RHBDL2: variants seen among roughly 807,000 people sequenced by gnomAD.
RHBDL2 encodes rhomboid-related protein 2.
A neutral mutation model predicts 31.7 loss-of-function variants in RHBDL2; 26 were observed. That is an observed-to-expected ratio of 0.82 (90% CI 0.60 to 1.14). The LOEUF (loss-of-function observed/expected upper bound fraction) is 1.14. Among genes scored for constraint, RHBDL2 ranks in the 50% most tolerant of loss-of-function variants. The probability of loss-of-function intolerance (pLI) is 0.00; values close to 1 mark genes in which losing one functional copy is unlikely to be tolerated. For synonymous variants in RHBDL2, 123 were observed against 127.2 expected, an observed-to-expected ratio of 0.97 and a Z score of 0.22; for missense variants, 336 against 364.4, an observed-to-expected ratio of 0.92 and a Z score of 0.63.
At chr1:38,890,490 A>C (rs1436347453) in intron 6 of RHBDL2, among the ~76,000 whole-genome samples, 1 of 152,084 alleles carries the variant, frequency 6.6e-6, no homozygotes, top group Non-Finnish European at 1.5e-5. Context: ...TTAGTATGTC[A>C]ATTTCTCCAA....
At chr1:38,926,713 G>T (rs1570939459) in intron 1 of RHBDL2, 1 of 152,272 alleles carries the variant, frequency 6.6e-6, no homozygotes, top group Non-Finnish European at 1.5e-5. Flanking sequence ...GGTGGCAGAT[G>T]CCTTTAATCC....
chr1:38,904,986 G>A (rs188008786), intron 4 of RHBDL2, among the ~76,000 whole-genome samples: 2,183 of 150,336 alleles, frequency 0.015, 47 homozygotes, highest in African/African-American at 0.043. Context: ...AGCCGAGATC[G>A]CGCCACTGCA....
chr1:38,888,460 G>C (rs866600231), intron 6 of RHBDL2, among the ~76,000 whole-genome samples: 1 of 152,178 alleles, frequency 6.6e-6, no homozygotes, highest in African/African-American at 2.4e-5. Flanking sequence ...AAATAGGAAT[G>C]CCAGTTGTCG....
intron 4 of RHBDL2, among the ~76,000 whole-genome samples, chr1:38,899,294 G>T (rs1211131974): frequency 3.3e-5 from 5 of 152,202 alleles, no homozygotes; most frequent in African/African-American, 9.6e-5. Context: ...ACAACCAGAG[G>T]GGGGCCAGGC....
intron 1 of RHBDL2, among the ~76,000 whole-genome samples, chr1:38,920,192 T>G: frequency 1.5e-5 from 2 of 132,898 alleles, no homozygotes; most frequent in Non-Finnish European, 1.6e-5. Context: ...TTTTGAGATG[T>G]AGTCTCGCTC....
chr1:38,895,273 G>T (rs1005437254), intron 5 of RHBDL2, among the ~76,000 whole-genome samples: 2 of 152,030 alleles, frequency 1.3e-5, no homozygotes, highest in African/African-American at 4.8e-5. Context: ...GGTCTGGGCT[G>T]CTCTGCCTAT....
At chr1:38,888,794 CTGTTTT>C (rs61709151) in intron 6 of RHBDL2, among the ~76,000 whole-genome samples, 16 of 151,332 alleles carry the variant, frequency 1.1e-4, no homozygotes, top group African/African-American at 1.7e-4. Flanking sequence ...ACTCAGCTTT[CTGTTTT>C]TGTTTTTGTT....
chr1:38,891,829 C>G (rs1293546418), intron 6 of RHBDL2, among the ~76,000 whole-genome samples: 1 of 152,178 alleles, frequency 6.6e-6, no homozygotes, highest in Non-Finnish European at 1.5e-5. Flanking sequence ...ACTATGTGGA[C>G]AGCCAAAAAC....
intron 1 of RHBDL2, among the ~76,000 whole-genome samples, chr1:38,920,003 G>A (rs1312524211): frequency 6.6e-6 from 1 of 152,082 alleles, no homozygotes; most frequent in South Asian, 2.1e-4. Flanking sequence ...CTGTTAAGCA[G>A]TTAATTCCTA....
intron 4 of RHBDL2, among the ~76,000 whole-genome samples, chr1:38,903,126 T>C (rs1279535392): frequency 6.6e-6 from 1 of 152,002 alleles, no homozygotes; most frequent in Non-Finnish European, 1.5e-5. Context: ...GCTGTAACAA[T>C]GAAGAATGAG....
At chr1:38,909,485 T>G (rs9439092) in intron 4 of RHBDL2, among the ~76,000 whole-genome samples, 54,701 of 152,076 alleles carry the variant, frequency 0.36, 10,964 homozygotes, top group Non-Finnish European at 0.45. Context: ...AAAATTCACC[T>G]GTAATCTCAG....
chr1:38,918,472 A>G (rs1210671167), intron 2 of RHBDL2, among the ~76,000 whole-genome samples: 3 of 152,148 alleles, frequency 2.0e-5, no homozygotes, highest in African/African-American at 4.8e-5. Flanking sequence ...CTGGAAAACA[A>G]GAGGACTGAC....
chr1:38,898,214 G>A (rs989050899), intron 4 of RHBDL2, among the ~76,000 whole-genome samples: 6 of 152,156 alleles, frequency 3.9e-5, no homozygotes, highest in Non-Finnish European at 7.4e-5. Context: ...TGAGGCACGA[G>A]GATCACTTGA....
intron 1 of RHBDL2, among the ~76,000 whole-genome samples, chr1:38,925,421 C>T (rs1054968817): frequency 2.6e-5 from 4 of 151,886 alleles, no homozygotes; most frequent in Middle Eastern, 3.2e-3. Context: ...TCTCTTGAAC[C>T]CAGGAGGTGG....
intron 3 of RHBDL2, chr1:38,913,440 T>TCTGAGC (rs1643184004): frequency 6.6e-6 from 1 of 152,178 alleles, no homozygotes; most frequent in Non-Finnish European, 1.5e-5. Context: ...TTGTCAAGCC[T>TCTGAGC]CTGAGCCATG....
At chr1:38,903,833 C>A (rs1209551640) in intron 4 of RHBDL2, among the ~76,000 whole-genome samples, 5 of 152,064 alleles carry the variant, frequency 3.3e-5, no homozygotes, top group Non-Finnish European at 5.9e-5. Context: ...ACTACAGTAA[C>A]CAAGATATGT....
At chr1:38,912,896 ATATATATATATATATGTGTGTG>A (rs1453593090) in intron 3 of RHBDL2, among the ~76,000 whole-genome samples, 10 of 43,566 alleles carry the variant, frequency 2.3e-4, no homozygotes, top group Middle Eastern at 0.011. Context: ...ATATATATAT[ATATATATATATATATGTGTGTG>A]TGTGTGTGTG....
intron 1 of RHBDL2, among the ~76,000 whole-genome samples, chr1:38,934,048 C>G (rs1395775411): frequency 1.3e-5 from 2 of 152,046 alleles, no homozygotes; most frequent in Admixed American, 6.6e-5. Flanking sequence ...CATAAATCCC[C>G]ATAAAAATTT....
intron 1 of RHBDL2, among the ~76,000 whole-genome samples, chr1:38,940,562 T>C (rs980678100): frequency 1.3e-5 from 2 of 152,080 alleles, no homozygotes; most frequent in African/African-American, 4.8e-5. Flanking sequence ...GCCTACGTGC[T>C]TTCAAGGCCA....
Sources: gnomAD v4.1 joint callset for allele counts (sites outside exome capture counted in the v4.1 genomes callset) on GRCh38, gnomAD v4.1.1 for gene constraint, MANE v1.5 for transcripts, NCBI Gene and HGNC (gene_info 2026-07-23, HGNC 2026-07-21) for gene names.